Variants in ZFYVE26 observed in about 807,000 individuals in gnomAD.
The protein encoded by ZFYVE26 is zinc finger FYVE-type containing 26.
A neutral mutation model predicts 276.5 loss-of-function variants in ZFYVE26; 181 were observed. The ratio of observed to expected loss-of-function variants is 0.65; its 90% CI spans 0.58 to 0.74. The LOEUF (loss-of-function observed/expected upper bound fraction) is 0.74. Ranked by LOEUF, ZFYVE26 falls within the 30% of genes least tolerant of loss-of-function variation. The pLI is 0.00. For synonymous variants in ZFYVE26, 1,129 were observed against 1,203.1 expected (o/e 0.94, Z 1.27); for missense variants, 2,821 against 3,097.9 (o/e 0.91, Z 2.12).
At chr14:67,812,233 A>T (rs1284516201) in intron 3 of ZFYVE26, among the ~76,000 whole-genome samples, 1 of 152,186 alleles carries the variant, frequency 6.6e-6, no homozygotes, top group Non-Finnish European at 1.5e-5. Flanking sequence ...TACTATGGAC[A>T]TGGGAGTTGT....
intron 28 of ZFYVE26, chr14:67,769,936 C>A (rs1249579621): frequency 4.6e-6 from 3 of 657,940 alleles, no homozygotes; most frequent in Non-Finnish European, 7.8e-6. Context: ...GGCAAAGGTG[C>A]GAAGTCATGG....
At chr14:67,812,223 T>C (rs1224628271) in intron 3 of ZFYVE26, among the ~76,000 whole-genome samples, 1 of 152,174 alleles carries the variant, frequency 6.6e-6, no homozygotes, top group African/African-American at 2.4e-5. Flanking sequence ...ACCTGTCCTA[T>C]ACTATGGACA....
chr14:67,783,667 A>G, intron 20 of ZFYVE26, 142 bp from the exon 21 acceptor site: 4 of 1,081,352 alleles, frequency 3.7e-6, no homozygotes, highest in Non-Finnish European at 5.4e-6. Context: ...CACAAAAAGT[A>G]GCCTATTAGA....
intron 35 of ZFYVE26, among the ~76,000 whole-genome samples, chr14:67,759,367 C>A (rs2038873976): frequency 6.6e-6 from 1 of 151,904 alleles, no homozygotes; most frequent in Non-Finnish European, 1.5e-5. Context: ...TGGCTCACGC[C>A]TATAATCCCA....
In ZFYVE26 at chr14:67,807,477, C is replaced by T. The variant is rs1418365648; in HGVS notation, c.807G>A (p.Arg269=). 8 of 1,614,158 alleles carry T rather than the reference C, an allele frequency of 5.0e-6. No individual in the cohort carries two copies. The highest frequency in any genetic ancestry group is 6.8e-6 in the Non-Finnish European group (8 of 1,179,994). ...TATGGCCATACAGGGACAGCAGGCC[C>T]CGGCTGGCCTTGTGCAGCAGGCAGC... is the stretch of plus-strand genomic sequence containing the variant. The part of the protein sequence containing the change: ...LLSCLLHKAS[R]GLLSLYGHTY... The change falls in exon 5 of 42, where the codon CGG becomes CGA. Residue 269 remains arginine, a synonymous_variant. Transcript: ENST00000347230.
At chr14:67,762,989 G>A (rs1386398750) in intron 32 of ZFYVE26, among the ~76,000 whole-genome samples, 170 bp from the exon 33 acceptor site, 3 of 152,170 alleles carry the variant, frequency 2.0e-5, no homozygotes, top group Non-Finnish European at 4.4e-5. Context: ...TGCAACCACC[G>A]CCTCCTGGGT....
Position 67,783,090 on chromosome 14 carries a change from C to T in ZFYVE26, c.4062G>A (p.Arg1354=). ...EVPLAAEQVA[R]ECERLLEQFP... ...ATTGTTCCAGAAGGCGCTCACACTCCCGGGCTACCTGCTCTGCAGCCAGAG... is the reference window on the plus strand; with the variant it reads ...ATTGTTCCAGAAGGCGCTCACACTCTCGGGCTACCTGCTCTGCAGCCAGAG... Residue 1354 remains arginine, a synonymous_variant, in exon 21 of 42, where the codon CGG becomes CGA. Coordinates refer to ENST00000347230, the MANE Select transcript of ZFYVE26 (RefSeq NM_015346.4). 6.2e-7 allele frequency: 1 copy of T among 1,613,134 alleles called. No homozygotes were observed. Among genetic ancestry groups the T allele is most frequent in the Non-Finnish European group, 8.5e-7 (1 of 1,179,192 alleles).
At chr14:67,760,719 C>T (rs911435025) in intron 35 of ZFYVE26, 3 of 168,534 alleles carry the variant, frequency 1.8e-5, no homozygotes, top group Admixed American at 5.6e-5. Context: ...CATAGTGAGT[C>T]CCCATCTCGA....
At chr14:67,775,176 C>T (rs984414445) in intron 26 of ZFYVE26, 62 bp from the exon 27 acceptor site, 3 of 1,173,440 alleles carry the variant, frequency 2.6e-6, no homozygotes, top group Admixed American at 2.3e-5. Flanking sequence ...ATTCACCACC[C>T]TAGGCATTTA....
intron 12 of ZFYVE26, 98 bp from the exon 13 acceptor site, chr14:67,794,337 G>T: frequency 8.6e-7 from 1 of 1,163,978 alleles, no homozygotes; most frequent in Non-Finnish European, 1.3e-6. Flanking sequence ...TGTAGTTAGA[G>T]ACAGAGGATA....
chr14:67,764,978 TA>T (rs1178740597), intron 32 of ZFYVE26, among the ~76,000 whole-genome samples: 3 of 152,208 alleles, frequency 2.0e-5, no homozygotes, highest in Non-Finnish European at 4.4e-5. Flanking sequence ...TATATTTGAA[TA>T]TATTTTTACT....
chr14:67,784,977 T>G, intron 19 of ZFYVE26, 82 bp downstream of exon 19: 1 of 1,441,068 alleles, frequency 6.9e-7, no homozygotes, highest in Non-Finnish European at 9.8e-7. Flanking sequence ...TCCAGAGCCT[T>G]TCAATTGTGC....
At chr14:67,811,053 A>G (rs2040290571) in intron 3 of ZFYVE26, among the ~76,000 whole-genome samples, 1 of 152,236 alleles carries the variant, frequency 6.6e-6, no homozygotes, top group Non-Finnish European at 1.5e-5. Context: ...TAATATGTGC[A>G]TCAAGGCCAT....
intron 8 of ZFYVE26, 86 bp downstream of exon 8, chr14:67,805,131 G>C: frequency 3.0e-6 from 4 of 1,335,902 alleles, no homozygotes; most frequent in Non-Finnish European, 4.2e-6. Flanking sequence ...CATTTATGTG[G>C]AAAACGCCTT....
chr14:67,803,420 C>T (rs1334251197), intron 9 of ZFYVE26, among the ~76,000 whole-genome samples: 1 of 152,170 alleles, frequency 6.6e-6, no homozygotes, highest in Non-Finnish European at 1.5e-5. Flanking sequence ...TGGCTGACTG[C>T]AACCTCCACC....
At chr14:67,788,825 G>C (rs1249962721) in intron 16 of ZFYVE26, among the ~76,000 whole-genome samples, 3 of 152,190 alleles carry the variant, frequency 2.0e-5, no homozygotes, top group Non-Finnish European at 1.5e-5. Flanking sequence ...GGTGCAAGTA[G>C]CAAGGACAGG....
intron 21 of ZFYVE26, among the ~76,000 whole-genome samples, chr14:67,782,206 T>C (rs962851061): frequency 1.4e-4 from 22 of 152,244 alleles, no homozygotes; most frequent in Non-Finnish European, 1.9e-4. Flanking sequence ...TTACAGCTCA[T>C]TGGCTTTCCA....
In ZFYVE26 at chr14:67,746,544, T is replaced by A. The variant is rs1037892353; in HGVS notation, c.*1892A>T. 4 of 152,188 alleles carry A rather than the reference T, an allele frequency of 2.6e-5. No individual in the cohort carries two copies. Among genetic ancestry groups the A allele is most frequent in the African/African-American group, 7.2e-5 (3 of 41,446 alleles). The allele number at this position is 152,188 out of a possible 1,614,324, so 9.4% of individuals were successfully genotyped here. ...AAACATGTTGATAGACACTTTATTG[T>A]GGCTTGTTTGTAGTAAAACATTCAA... On this transcript the variant is annotated 3_prime_UTR_variant, in exon 42 of 42. Transcript: ENST00000347230.
chr14:67,809,426 T>TTTTTTATA, intron 3 of ZFYVE26, 137 bp from the exon 4 acceptor site: 1 of 588,986 alleles, frequency 1.7e-6, no homozygotes, highest in Non-Finnish European at 2.8e-6. Context: ...TTTTTTTTTT[T>TTTTTTATA]TTTTTTTTTA....
Sources: gnomAD v4.1 joint callset for allele counts (sites outside exome capture counted in the v4.1 genomes callset) on GRCh38, gnomAD v4.1.1 for gene constraint, MANE v1.5 for transcripts, NCBI Gene and HGNC (gene_info 2026-07-23, HGNC 2026-07-21) for gene names.